The following ITPR2 variants were observed in gnomAD, a reference collection of about 807,000 sequenced individuals.
ITPR2 encodes inositol 1,4,5-trisphosphate receptor type 2.
Under a neutral mutation model 317.1 loss-of-function variants are expected in ITPR2, and 207 were observed. The ratio of observed to expected loss-of-function variants is 0.65; its 90% CI spans 0.58 to 0.73. The LOEUF (loss-of-function observed/expected upper bound fraction) is 0.73. ITPR2 is among the 30% of genes least tolerant of loss of function. ITPR2 has a pLI of 0.00. For missense variants in ITPR2, 2,613 were observed against 3,284.0 expected (o/e 0.80, Z 4.99); for synonymous variants, 1,156 against 1,149.1 (o/e 1.01, Z -0.12).
chr12:26,709,063 A>G (rs1416030474), intron 9 of ITPR2, among the ~76,000 whole-genome samples: 1 of 152,150 alleles, frequency 6.6e-6, no homozygotes, highest in East Asian at 1.9e-4. Flanking sequence ...ACACTTTCAC[A>G]CCAGTAAGGA....
intron 2 of ITPR2, among the ~76,000 whole-genome samples, chr12:26,757,604 C>A (rs1235765647): frequency 6.6e-6 from 1 of 152,190 alleles, no homozygotes; most frequent in Non-Finnish European, 1.5e-5. Context: ...CAAGAACCCT[C>A]TCTTGGGGTC....
intron 13 of ITPR2, among the ~76,000 whole-genome samples, chr12:26,680,711 G>A (rs117555230): frequency 0.011 from 1,748 of 152,194 alleles, 20 homozygotes; most frequent in Admixed American, 0.018. Context: ...TATTTTCATC[G>A]CAAAACTGTA....
intron 37 of ITPR2, among the ~76,000 whole-genome samples, chr12:26,513,777 C>CAT (rs1232141890): frequency 3.5e-5 from 5 of 142,298 alleles, no homozygotes; most frequent in East Asian, 2.1e-4. Context: ...CACACACACA[C>CAT]ATGCAACCCT....
intron 36 of ITPR2, 150 bp downstream of exon 36, chr12:26,556,083 A>C: frequency 1.7e-6 from 1 of 603,794 alleles, no homozygotes. Context: ...GAATCAATTT[A>C]ATTATTCTGG....
At chr12:26,628,887 A>T (rs1029893419) in intron 22 of ITPR2, among the ~76,000 whole-genome samples, 1 of 152,230 alleles carries the variant, frequency 6.6e-6, no homozygotes, top group Non-Finnish European at 1.5e-5. Context: ...TGGTCTAAAT[A>T]CAACAGAAAT....
intron 5 of ITPR2, among the ~76,000 whole-genome samples, chr12:26,717,538 T>C (rs927330830): frequency 1.3e-4 from 20 of 152,226 alleles, no homozygotes; most frequent in Admixed American, 4.6e-4. Context: ...TCAGATGCTG[T>C]AACTCACAAA....
chr12:26,384,503 G>A (rs1939609516), intron 55 of ITPR2, among the ~76,000 whole-genome samples: 1 of 152,146 alleles, frequency 6.6e-6, no homozygotes, highest in Non-Finnish European at 1.5e-5. Flanking sequence ...TATCCCTCTT[G>A]TCATGGCTCT....
At chr12:26,527,701 T>C (rs1031072298) in intron 37 of ITPR2, among the ~76,000 whole-genome samples, 1 of 152,226 alleles carries the variant, frequency 6.6e-6, no homozygotes, top group Non-Finnish European at 1.5e-5. Flanking sequence ...TATGTTTCTG[T>C]GGGAAAACAA....
At chr12:26,675,752 A>G (rs909476774) in intron 13 of ITPR2, among the ~76,000 whole-genome samples, 8 of 152,214 alleles carry the variant, frequency 5.3e-5, no homozygotes, top group Admixed American at 3.3e-4. Context: ...TAACAAGTCT[A>G]TTGACAGCAG....
Position 26,419,102 on chromosome 12 carries a change from C to T in ITPR2, c.7057G>A (p.Val2353Ile). 6.2e-7 allele frequency: 1 copy of T among 1,613,844 alleles called. No homozygotes were observed. Among genetic ancestry groups the T allele is most frequent in the Non-Finnish European group, 8.5e-7 (1 of 1,179,852 alleles). Residue 2353 changes from valine (V) to isoleucine (I), a missense_variant, in exon 50 of 57, where the codon GTC becomes ATC. Physicochemically the swap from Val to Ile is conservative, Grantham distance 29. This residue lies in a region of ITPR2 where 78 missense variants were observed against 110.3 expected (regional missense o/e 0.71). Coordinates refer to ENST00000381340, the MANE Select transcript of ITPR2 (RefSeq NM_002223.4). ...DMAFLYHVAY[V>I]LVCMLGLFVH... ...AAAAGGCCCAGCATGCAAACCAGGA[C>T]ATACGCCACGTGATAGAGAAAGGCC... is the stretch of plus-strand genomic sequence containing the variant.
At chr12:26,745,257 C>T (rs79747589) in intron 2 of ITPR2, among the ~76,000 whole-genome samples, 53 of 152,348 alleles carry the variant, frequency 3.5e-4, no homozygotes, top group East Asian at 7.7e-4. Context: ...CAGATGTGAC[C>T]TCACTAAATA....
intron 54 of ITPR2, among the ~76,000 whole-genome samples, chr12:26,396,846 G>C (rs1940015175): frequency 6.6e-6 from 1 of 152,100 alleles, no homozygotes; most frequent in Admixed American, 6.5e-5. Flanking sequence ...TCAATCACTT[G>C]TTAGTATTAC....
rs754074490 is a variant in ITPR2, at chr12:26,659,191, CTGT to C, written c.1805_1807del (p.Asn602del). The C allele has an allele frequency of 6.2e-7, 1 of 1,613,246 alleles. No individual in the cohort carries two copies. Among genetic ancestry groups the C allele is most frequent in the South Asian group, 1.1e-5 (1 of 91,052 alleles). ...TGTGATATGTTTCTCTAGTAGTTTT[CTGT>C]TGTTGTGCAACAAAGCTGTGATAGT... is the stretch of plus-strand genomic sequence containing the variant. On this transcript the variant is annotated inframe_deletion, in exon 16 of 57. Transcript: ENST00000381340.
rs139715752 is a variant in ITPR2 at position 26,511,873 on chromosome 12, A to G, written c.5074-16613T>C. Among the ~76,000 whole-genome samples the G allele has an allele frequency of 1.8e-3, 275 of 152,276 alleles. 3 individuals are homozygous for G. Among genetic ancestry groups the G allele is most frequent in the African/African-American group, 6.3e-3 (261 of 41,550 alleles). On this transcript the variant is annotated intron_variant, in intron 37 of 56. Transcript: ENST00000381340. ...ATCTCTGTCCACCATTTTCGCCCTC[A>G]GGCCCCATCAGTTTCTTTAGTTCTG... is the stretch of plus-strand genomic sequence containing the variant.
intron 32 of ITPR2, among the ~76,000 whole-genome samples, chr12:26,588,809 G>C (rs933773431): frequency 2.6e-5 from 4 of 152,210 alleles, no homozygotes; most frequent in African/African-American, 9.6e-5. Context: ...ACATGACAGA[G>C]AGTTAGGTGA....
intron 55 of ITPR2, among the ~76,000 whole-genome samples, chr12:26,349,389 TC>T (rs1268900899): frequency 6.6e-6 from 1 of 152,222 alleles, no homozygotes; most frequent in Non-Finnish European, 1.5e-5. Context: ...ACTGTTAGAT[TC>T]CTGTAAATGT....
rs1288459686 is a variant in ITPR2 at position 26,339,021 on chromosome 12, A to C, written c.*376T>G. On this transcript the variant is annotated 3_prime_UTR_variant, in exon 57 of 57. Coordinates refer to ENST00000381340, the MANE Select transcript of ITPR2 (RefSeq NM_002223.4). ...TAAAAGAAAGAAATTCCAGCCAACCATGTCAGTGGCTGTAGTCAGCATTTA... is the reference window on the plus strand; with the variant it reads ...TAAAAGAAAGAAATTCCAGCCAACCCTGTCAGTGGCTGTAGTCAGCATTTA... 6.1e-6 allele frequency: 1 copy of C among 163,666 alleles called. No individual in the cohort carries two copies. Among genetic ancestry groups the C allele is most frequent in the Non-Finnish European group, 1.3e-5 (1 of 75,798 alleles). The allele number at this position is 163,666 out of a possible 1,614,324, so 10.1% of individuals were successfully genotyped here. A position where few individuals can be genotyped will look rare whatever the true frequency, so the allele number is the denominator to read the frequency against.
chr12:26,502,627 T>A (rs1357061586), intron 37 of ITPR2, among the ~76,000 whole-genome samples: 1 of 152,120 alleles, frequency 6.6e-6, no homozygotes, highest in Non-Finnish European at 1.5e-5. Context: ...AAGAGGTAAT[T>A]TCAAAGCTTC....
At chr12:26,364,813 T>C (rs926351603) in intron 55 of ITPR2, among the ~76,000 whole-genome samples, 1 of 152,182 alleles carries the variant, frequency 6.6e-6, no homozygotes, top group Non-Finnish European at 1.5e-5. Flanking sequence ...GTTAGTGTGT[T>C]ACTACCCCCA....
Sources: allele counts gnomAD v4.1 joint callset (sites outside exome capture counted in the v4.1 genomes callset), GRCh38; gene constraint gnomAD v4.1.1; regional missense constraint gnomAD v4.1.1; transcripts MANE v1.5; gene names NCBI Gene and HGNC (gene_info 2026-07-23, HGNC 2026-07-21).